Variants in NXPE2 observed in about 807,000 individuals in gnomAD.
NXPE2 encodes the protein NXPE family member 2.
NXPE2 carries 34 observed loss-of-function variants against 34.4 expected under a neutral mutation model. The observed-to-expected ratio is 0.99, with a 90% CI of 0.75 to 1.31. The LOEUF (loss-of-function observed/expected upper bound fraction) is 1.31. NXPE2 is among the 40% of genes most tolerant of loss of function. NXPE2 has a pLI of 0.00. For missense variants in NXPE2, 649 were observed against 672.5 expected, an observed-to-expected ratio of 0.97 and a Z score of 0.39; for synonymous variants, 235 against 231.3, an observed-to-expected ratio of 1.02 and a Z score of -0.15.
the NXPE2 span, among the ~76,000 whole-genome samples, chr11:114,599,938 G>A: frequency 6.6e-6 from 1 of 151,992 alleles, no homozygotes; most frequent in Non-Finnish European, 1.5e-5. Flanking sequence ...AAAAATCTAT[G>A]AGTTCATATC....
At chr11:114,684,745 A>T (rs1437836204) in intron 2 of NXPE2, among the ~76,000 whole-genome samples, 1 of 152,160 alleles carries the variant, frequency 6.6e-6, no homozygotes, top group Non-Finnish European at 1.5e-5. Context: ...AGATACTTGA[A>T]TGCATTTTAA....
the NXPE2 span, chr11:114,580,472 G>A: frequency 1.5e-6 from 1 of 685,548 alleles, no homozygotes; most frequent in East Asian, 2.7e-5. Context: ...TATTACTGAA[G>A]TATTCTCTTA....
chr11:114,773,108 GGGA>G, the NXPE2 span, among the ~76,000 whole-genome samples: 3 of 152,052 alleles, frequency 2.0e-5, no homozygotes, highest in Non-Finnish European at 2.9e-5. Context: ...GTTCCTTAAG[GGGA>G]GCCAGGCTTC....
At chr11:114,580,287 A>ATTG in the NXPE2 span, 2 of 1,614,026 alleles carry the variant, frequency 1.2e-6, no homozygotes, top group Non-Finnish European at 1.7e-6. Context: ...CCCACTGGGG[A>ATTG]TTGTGGATGT....
the NXPE2 span, among the ~76,000 whole-genome samples, chr11:114,500,536 C>T: frequency 4.6e-5 from 7 of 152,068 alleles, no homozygotes; most frequent in Non-Finnish European, 7.4e-5. Flanking sequence ...GTCAGATTTA[C>T]GTATTGTAAT....
At chr11:114,508,952 TCAACA>T in the NXPE2 span, among the ~76,000 whole-genome samples, 8 of 151,998 alleles carry the variant, frequency 5.3e-5, no homozygotes, top group East Asian at 1.5e-3. Context: ...ACAAACCCTA[TCAACA>T]CAGTAAGCAG....
chr11:114,580,262 G>A, the NXPE2 span: 2 of 1,613,976 alleles, frequency 1.2e-6, no homozygotes, highest in South Asian at 1.1e-5. Flanking sequence ...GATTCCATGT[G>A]TTTCTCCAGA....
chr11:114,572,877 A>G, the NXPE2 span, among the ~76,000 whole-genome samples: 1 of 152,218 alleles, frequency 6.6e-6, no homozygotes, highest in Non-Finnish European at 1.5e-5. Context: ...TGGGAAATTC[A>G]TCACAGAAAG....
the NXPE2 span, among the ~76,000 whole-genome samples, chr11:114,763,918 A>G: frequency 6.6e-6 from 1 of 152,188 alleles, no homozygotes; most frequent in African/African-American, 2.4e-5. Context: ...TCAGTCCATT[A>G]ACATCTGAAA....
At chr11:114,797,000 G>T in the NXPE2 span, among the ~76,000 whole-genome samples, 1 of 152,228 alleles carries the variant, frequency 6.6e-6, no homozygotes. Context: ...GAAAGCTGGA[G>T]ATGTAAACGG....
the NXPE2 span, among the ~76,000 whole-genome samples, chr11:114,531,627 AC>A: frequency 6.6e-6 from 1 of 152,042 alleles, no homozygotes; most frequent in Non-Finnish European, 1.5e-5. Context: ...TTTCAACTCT[AC>A]TTCTTGCTAC....
chr11:114,779,053 T>C, the NXPE2 span, among the ~76,000 whole-genome samples: 1 of 152,244 alleles, frequency 6.6e-6, no homozygotes, highest in Non-Finnish European at 1.5e-5. Flanking sequence ...TGTAGCCATC[T>C]TTCTTTCTTG....
At chr11:114,603,339 C>T in the NXPE2 span, among the ~76,000 whole-genome samples, 1 of 151,394 alleles carries the variant, frequency 6.6e-6, no homozygotes, top group East Asian at 1.9e-4. Context: ...ATTGCCTCAT[C>T]TCCTAGGTAA....
the NXPE2 span, among the ~76,000 whole-genome samples, chr11:114,729,203 G>C: frequency 1.3e-4 from 20 of 152,022 alleles, no homozygotes; most frequent in Non-Finnish European, 2.1e-4. Context: ...GTTGCTTAGC[G>C]TAATGGCCTC....
chr11:114,522,261 T>TA, the NXPE2 span: 1 of 1,614,056 alleles, frequency 6.2e-7, no homozygotes, highest in Non-Finnish European at 8.5e-7. Context: ...GCCCTGCGAA[T>TA]AAAAATGTCA....
At chr11:114,699,219 C>G (rs945716377) in intron 3 of NXPE2, among the ~76,000 whole-genome samples, 1 of 152,158 alleles carries the variant, frequency 6.6e-6, no homozygotes, top group Non-Finnish European at 1.5e-5. Context: ...CCAACTATCT[C>G]CTGAACCCAG....
At chr11:114,668,817 T>C in the NXPE2 span, among the ~76,000 whole-genome samples, 1 of 152,020 alleles carries the variant, frequency 6.6e-6, no homozygotes, top group Non-Finnish European at 1.5e-5. Context: ...GCAAATCCTC[T>C]CCCAGAAATA....
At chr11:114,672,787 C>A in the NXPE2 span, among the ~76,000 whole-genome samples, 1 of 151,424 alleles carries the variant, frequency 6.6e-6, no homozygotes, top group African/African-American at 2.4e-5. Flanking sequence ...AAGCATTTAA[C>A]AATATAGACC....
At chr11:114,490,818 A>T in the NXPE2 span, among the ~76,000 whole-genome samples, 1 of 152,272 alleles carries the variant, frequency 6.6e-6, no homozygotes, top group Non-Finnish European at 1.5e-5. Context: ...TAAAACGCCA[A>T]AAGCAATGGC....
Sources: gnomAD v4.1 joint callset for allele counts (sites outside exome capture counted in the v4.1 genomes callset) on GRCh38, gnomAD v4.1.1 for gene constraint, MANE v1.5 for transcripts, NCBI Gene and HGNC (gene_info 2026-07-23, HGNC 2026-07-21) for gene names.